STUM: variants seen among roughly 807,000 people sequenced by gnomAD.
STUM encodes protein stum homolog.
A neutral mutation model predicts 15.3 loss-of-function variants in STUM; 8 were observed. The ratio of observed to expected loss-of-function variants is 0.52; its 90% confidence interval spans 0.31 to 0.94. The LOEUF (loss-of-function observed/expected upper bound fraction) is 0.94. Among genes scored for constraint, STUM ranks in the 40% least tolerant of loss-of-function variants. The pLI, the probability that STUM is intolerant of heterozygous loss-of-function variation, is 0.05. For synonymous variants in STUM, 78 were observed against 88.7 expected, an observed-to-expected ratio of 0.88 and a Z score of 0.68; for missense variants, 142 against 204.9, an observed-to-expected ratio of 0.69 and a Z score of 1.87.
chr1:226,564,300 C>A (rs1412562762), intron 1 of STUM, among the ~76,000 whole-genome samples: 3 of 152,156 alleles, frequency 2.0e-5, no homozygotes, highest in Non-Finnish European at 4.4e-5. Flanking sequence ...GATGTCGGTC[C>A]TCAGGAAATG....
rs372315014 is a variant in STUM, at chr1:226,567,252, G to A, written c.202+18146G>A. 1.7e-4 allele frequency among the ~76,000 whole-genome samples: 26 copies of A among 152,302 alleles called. No homozygotes were observed. In the East Asian group the frequency reaches 2.3e-3, roughly 14 times the overall value. On this transcript the variant is annotated intron_variant, in intron 1 of 3. Coordinates refer to ENST00000366788, the MANE Select transcript of STUM (RefSeq NM_001003665.4). This position sits in a 1 kb window ranked among gnomAD's most constrained non-coding sequence, Gnocchi z 4.5. ...TTCAAAAAGCCTTTGAAGACTGTCC[G>A]TCCTGGAGCTATCCAACGGGTGGTG...
At chr1:226,576,416 G>C (rs1667816498) in intron 1 of STUM, among the ~76,000 whole-genome samples, 1 of 152,220 alleles carries the variant, frequency 6.6e-6, no homozygotes, top group Non-Finnish European at 1.5e-5. Context: ...ATGATGAAAT[G>C]AAATTCATTC....
rs1667605690 is a variant in STUM, at chr1:226,565,407, G to C, written c.202+16301G>C. ...TGTTTGTTTTTAGCACCCCTGACTA[G>C]ACTGTGGGGTCCTGAACCACCAGCC... On this transcript the variant is annotated intron_variant, in intron 1 of 3. Coordinates refer to ENST00000366788, the MANE Select transcript of STUM (RefSeq NM_001003665.4). The surrounding 1 kb of genome is among the most constrained non-coding windows in gnomAD (Gnocchi z 4.4). Among the ~76,000 whole-genome samples, 1 of 152,160 alleles carries C rather than the reference G, an allele frequency of 6.6e-6. No homozygotes were observed. Among genetic ancestry groups the C allele is most frequent in the South Asian group, 2.1e-4 (1 of 4,820 alleles).
Position 226,606,165 on chromosome 1 carries a change from C to T in STUM, c.*4125C>T, listed in dbSNP as rs541308100. On this transcript the variant is annotated 3_prime_UTR_variant, in exon 4 of 4. Coordinates refer to ENST00000366788, the MANE Select transcript of STUM (RefSeq NM_001003665.4). ...CAAAGTGGGTCTGAAACCCCAGGAC[C>T]GGGTCAAAGGCCTTCCGAAGGCCCG... 6.6e-6 allele frequency: 1 copy of T among 151,570 alleles called. No individual in the cohort carries two copies. 9.4% of individuals were successfully genotyped at this position (151,570 alleles called of 1,614,324 possible). A position where few individuals can be genotyped will look rare whatever the true frequency, so the allele number is the denominator to read the frequency against.
chr1:226,585,037 G>T (rs566281834), intron 1 of STUM, among the ~76,000 whole-genome samples: 7 of 152,210 alleles, frequency 4.6e-5, no homozygotes, highest in Non-Finnish European at 7.4e-5. Context: ...AAGCTCACTC[G>T]AAGCACTTGC....
rs1667601872 is a variant in STUM at position 226,565,176 on chromosome 1, C to T, written c.202+16070C>T. 6.6e-6 allele frequency among the ~76,000 whole-genome samples: 1 copy of T among 152,190 alleles called. No individual in the cohort carries two copies. The highest frequency in any genetic ancestry group is 1.5e-5 in the Non-Finnish European group (1 of 68,024). ...ACCACGAATTCCATTCTACAGCCCC[C>T]TTCTACTACCCCAGCCCTCTCCGCC... On this transcript the variant is annotated intron_variant, in intron 1 of 3. Transcript: ENST00000366788. The surrounding 1 kb of genome is among the most constrained non-coding windows in gnomAD (Gnocchi z 4.4).
At position 226,607,842 on chromosome 1, in the gene STUM, C is replaced by G. The variant is rs1668386047; in HGVS notation, c.*5802C>G. 1 of 152,358 alleles carries G rather than the reference C, an allele frequency of 6.6e-6. No homozygotes were observed. Among genetic ancestry groups the G allele is most frequent in the Non-Finnish European group, 1.5e-5 (1 of 68,140 alleles). The allele number at this position is 152,358 out of a possible 1,614,324, so 9.4% of individuals were successfully genotyped here. ...AGTCCATCCCCATTGCATTTCACCCCCACATGGACAGAGGCACACACTCGC... is the reference window on the plus strand; with the variant it reads ...AGTCCATCCCCATTGCATTTCACCCGCACATGGACAGAGGCACACACTCGC... On this transcript the variant is annotated 3_prime_UTR_variant, in exon 4 of 4. Transcript: ENST00000366788.
In STUM at chr1:226,549,228, C is replaced by G; in HGVS notation, c.202+122C>G. Reference sequence around the variant, plus strand: ...GCGCGCTCCAAGTGCTGCGACCACGCGCCACCGCCCGCTCCTGGCGTCCCC... The same window carrying G: ...GCGCGCTCCAAGTGCTGCGACCACGGGCCACCGCCCGCTCCTGGCGTCCCC... On this transcript the variant is annotated intron_variant, in intron 1 of 3. Coordinates refer to ENST00000366788, the MANE Select transcript of STUM (RefSeq NM_001003665.4). The surrounding 1 kb of genome is among the most constrained non-coding windows in gnomAD (Gnocchi z 6.8). 1 of 786,886 alleles carries G rather than the reference C, an allele frequency of 1.3e-6. No homozygotes were observed. The highest frequency in any genetic ancestry group is 1.9e-6 in the Non-Finnish European group (1 of 516,368). The allele number at this position is 786,886 out of a possible 1,614,324, so 48.7% of individuals were successfully genotyped here.
At chr1:226,570,767 A>G (rs1667694464) in intron 1 of STUM, among the ~76,000 whole-genome samples, 1 of 152,248 alleles carries the variant, frequency 6.6e-6, no homozygotes. Flanking sequence ...ACCTAAATCC[A>G]GAGGTTCTTA....
Position 226,576,792 on chromosome 1 carries a change from A to G in STUM, c.203-20010A>G, listed in dbSNP as rs1261061778. Among the ~76,000 whole-genome samples the G allele has an allele frequency of 2.6e-5, 4 of 152,160 alleles. No homozygotes were observed. In the East Asian group the frequency reaches 7.7e-4, roughly 29 times the overall value. ...CAGGGCAGCAGAAACCCACAAACAC[A>G]GCTTGTCTAGTTCCGTGGACACACA... On this transcript the variant is annotated intron_variant, in intron 1 of 3. Coordinates refer to ENST00000366788, the MANE Select transcript of STUM (RefSeq NM_001003665.4).
chr1:226,574,448 G>C (rs1392608625), intron 1 of STUM, among the ~76,000 whole-genome samples: 1 of 152,150 alleles, frequency 6.6e-6, no homozygotes, highest in Non-Finnish European at 1.5e-5. Context: ...TTCCCTAATT[G>C]TCCTGTAAAC....
At chr1:226,586,261 A>AGG (rs1222947715) in intron 1 of STUM, among the ~76,000 whole-genome samples, 1 of 152,104 alleles carries the variant, frequency 6.6e-6, no homozygotes, top group African/African-American at 2.4e-5. Flanking sequence ...CAGCACTCCC[A>AGG]GGGGTCACCC....
chr1:226,551,177 G>A (rs1667370498), intron 1 of STUM, among the ~76,000 whole-genome samples: 2 of 152,094 alleles, frequency 1.3e-5, no homozygotes, highest in Admixed American at 1.3e-4. Context: ...ATCCTTGGTG[G>A]TGGTTCTCAT....
intron 1 of STUM, among the ~76,000 whole-genome samples, chr1:226,585,660 A>G (rs1395301889): frequency 6.6e-6 from 1 of 152,152 alleles, no homozygotes; most frequent in Non-Finnish European, 1.5e-5. Flanking sequence ...AGGACTGACC[A>G]CACAGCATTG....
In STUM at chr1:226,549,162, G is replaced by GT. The variant is rs1447413938; in HGVS notation, c.202+56_202+57insT. On this transcript the variant is annotated intron_variant, in intron 1 of 3. Coordinates refer to ENST00000366788, the MANE Select transcript of STUM (RefSeq NM_001003665.4). This position sits in a 1 kb window ranked among gnomAD's most constrained non-coding sequence, Gnocchi z 6.8. Reference sequence around the variant, plus strand: ...CCCCACCCCGCCGCGGGAGGGCGTGGGGGGAGAGAAGGGCGCGGCCGGAGA... The same window carrying GT: ...CCCCACCCCGCCGCGGGAGGGCGTGGTGGGGAGAGAAGGGCGCGGCCGGAGA... 1.3e-6 allele frequency: 2 copies of GT among 1,482,288 alleles called. No individual in the cohort carries two copies. The highest frequency in any genetic ancestry group is 3.0e-5 in the African/African-American group (2 of 67,646). The allele number at this position is 1,482,288 out of a possible 1,614,324, so 91.8% of individuals were successfully genotyped here. A position where few individuals can be genotyped will look rare whatever the true frequency, so the allele number is the denominator to read the frequency against.
intron 1 of STUM, among the ~76,000 whole-genome samples, chr1:226,568,949 G>A (rs986002729): frequency 4.1e-5 from 4 of 96,796 alleles, no homozygotes; most frequent in African/African-American, 1.5e-4. Flanking sequence ...TCCTTGTAGG[G>A]TCCCTAGCAA....
At chr1:226,577,504 C>T (rs1264391192) in intron 1 of STUM, among the ~76,000 whole-genome samples, 1 of 150,842 alleles carries the variant, frequency 6.6e-6, no homozygotes, top group Admixed American at 6.6e-5. Flanking sequence ...GTTTCTCACA[C>T]ACACACACAC....
chr1:226,570,744 G>T (rs1229811286), intron 1 of STUM, among the ~76,000 whole-genome samples: 1 of 152,206 alleles, frequency 6.6e-6, no homozygotes, highest in East Asian at 1.9e-4. Flanking sequence ...GAACCTGGGA[G>T]AAGATATTAG....
chr1:226,562,693 C>T (rs1397534586), intron 1 of STUM, among the ~76,000 whole-genome samples: 2 of 152,076 alleles, frequency 1.3e-5, no homozygotes, highest in Non-Finnish European at 2.9e-5. Context: ...AGGTACCTGG[C>T]CTGTATTCTT....
Sources: gnomAD v4.1 joint callset for allele counts (sites outside exome capture counted in the v4.1 genomes callset) on GRCh38, gnomAD v4.1.1 for gene constraint, Gnocchi (gnomAD v3.1) non-coding constraint, MANE v1.5 for transcripts, NCBI Gene and HGNC (gene_info 2026-07-23, HGNC 2026-07-21) for gene names.